FBLN7: variants seen among roughly 807,000 people sequenced by gnomAD.
FBLN7 encodes fibulin-7.
Under a neutral mutation model 44.0 loss-of-function variants are expected in FBLN7, and 31 were observed. That is an observed-to-expected ratio of 0.70 (90% CI 0.53 to 0.95). FBLN7 has a LOEUF of 0.95. Ranked by LOEUF, FBLN7 falls within the 40% of genes least tolerant of loss-of-function variation. FBLN7 has a pLI of 0.00. For synonymous variants in FBLN7, 262 were observed against 253.4 expected, an observed-to-expected ratio of 1.03 and a Z score of -0.32; for missense variants, 573 against 618.5, an observed-to-expected ratio of 0.93 and a Z score of 0.78.
chr2:112,156,385 A>T lies in FBLN7; in HGVS notation c.76-3291A>T, dbSNP rs570070844. On this transcript the variant is annotated intron_variant, in intron 1 of 7. Coordinates refer to ENST00000331203, the MANE Select transcript of FBLN7 (RefSeq NM_153214.3). ...CCATATCTTTCTCTATGAAATGGAG[A>T]CAAGCCCCGTTTCTCCACGGGGTTG... Among the ~76,000 whole-genome samples, 23 of 152,296 alleles carry T rather than the reference A, an allele frequency of 1.5e-4. No homozygotes were observed. The South Asian group carries it at 3.3e-3, about 22-fold the overall frequency.
intron 3 of FBLN7, 86 bp downstream of exon 3, chr2:112,165,257 A>C: frequency 6.8e-7 from 1 of 1,479,530 alleles, no homozygotes; most frequent in Non-Finnish European, 9.1e-7. Context: ...ATTCCTTGGA[A>C]CATTTTCTGC....
chr2:112,159,754 G>C lies in FBLN7; in HGVS notation c.154G>C (p.Ala52Pro), dbSNP rs761948832. The change falls in exon 2 of 8, where the codon GCC becomes CCC. Residue 52 changes from alanine to proline, a missense_variant. Coordinates refer to ENST00000331203, the MANE Select transcript of FBLN7 (RefSeq NM_153214.3). ...GCTGAAGGGCCAGGAGACACGCTTC[G>C]CCGAGGGCATCCGCCACATGAAGAG... The part of the protein sequence containing the change: ...QLLKGQETRF[A>P]EGIRHMKSRL... The C allele has an allele frequency of 2.5e-6, 4 of 1,605,140 alleles. No individual in the cohort carries two copies. In the Admixed American group the frequency reaches 6.8e-5, roughly 27 times the overall value.
Position 112,172,209 on chromosome 2 carries a change from C to T in FBLN7, c.407-3505C>T, listed in dbSNP as rs562861884. 3.7e-4 allele frequency among the ~76,000 whole-genome samples: 57 copies of T among 152,308 alleles called. No individual in the cohort carries two copies. In the South Asian group the frequency reaches 9.7e-3, roughly 26 times the overall value. On this transcript the variant is annotated intron_variant, in intron 3 of 7. Coordinates refer to ENST00000331203, the MANE Select transcript of FBLN7 (RefSeq NM_153214.3). ...TTAGAGTAAAAATTCCCCCAATTGT[C>T]TCACACTTTTTTAACACTTTGTTTG...
the FBLN7 span, among the ~76,000 whole-genome samples, chr2:112,197,664 T>C: frequency 6.6e-6 from 1 of 152,204 alleles, no homozygotes; most frequent in Non-Finnish European, 1.5e-5. Context: ...AGCCACCAAC[T>C]GCCAACCAGT....
At chr2:112,144,074 A>G (rs1277914789) in intron 1 of FBLN7, among the ~76,000 whole-genome samples, 1 of 152,190 alleles carries the variant, frequency 6.6e-6, no homozygotes, top group African/African-American at 2.4e-5. Flanking sequence ...AACAGACATC[A>G]TTCTATTTAT....
At chr2:112,210,129 G>A in the FBLN7 span, among the ~76,000 whole-genome samples, 1 of 151,822 alleles carries the variant, frequency 6.6e-6, no homozygotes, top group African/African-American at 2.4e-5. Context: ...AGGTGTTGGA[G>A]CCCAAGCAGA....
At chr2:112,155,304 G>A (rs944701106) in intron 1 of FBLN7, among the ~76,000 whole-genome samples, 20 of 152,162 alleles carry the variant, frequency 1.3e-4, no homozygotes, top group African/African-American at 4.8e-4. Flanking sequence ...TGATGCCTGT[G>A]CCTATACCAA....
the FBLN7 span, among the ~76,000 whole-genome samples, chr2:112,238,964 C>A: frequency 6.6e-6 from 1 of 152,218 alleles, no homozygotes; most frequent in African/African-American, 2.4e-5. Flanking sequence ...CCCAAGTAAA[C>A]TGTAATGGTC....
chr2:112,181,085 A>G (rs909514406), intron 4 of FBLN7, among the ~76,000 whole-genome samples: 1 of 152,200 alleles, frequency 6.6e-6, no homozygotes, highest in Non-Finnish European at 1.5e-5. Context: ...TAACATAGGA[A>G]CAGAAAACCA....
the FBLN7 span, among the ~76,000 whole-genome samples, chr2:112,239,579 CTT>C: frequency 5.6e-4 from 48 of 86,478 alleles, no homozygotes; most frequent in African/African-American, 2.1e-3. Flanking sequence ...TAACAGTTTA[CTT>C]TTTTTTTTTT....
At chr2:112,233,255 G>A in the FBLN7 span, 2 of 1,523,432 alleles carry the variant, frequency 1.3e-6, no homozygotes, top group Non-Finnish European at 1.8e-6. Flanking sequence ...TGTGATAAAG[G>A]ATATTATGCA....
At chr2:112,138,836 C>CAGGTCAGCGT in intron 1 of FBLN7, 106 bp downstream of exon 1, 3 of 530,346 alleles carry the variant, frequency 5.7e-6, no homozygotes, top group South Asian at 9.0e-5. Context: ...CGCCTCTCTC[C>CAGGTCAGCGT]CCTGTCCCTC....
intron 4 of FBLN7, among the ~76,000 whole-genome samples, chr2:112,179,441 T>C (rs1682877608): frequency 6.6e-6 from 1 of 152,162 alleles, no homozygotes; most frequent in Non-Finnish European, 1.5e-5. Context: ...GATTCAATGC[T>C]ATTCCTATCA....
chr2:112,193,522 A>G, the FBLN7 span, among the ~76,000 whole-genome samples: 3 of 152,376 alleles, frequency 2.0e-5, no homozygotes, highest in East Asian at 3.9e-4. Flanking sequence ...TAGATTATTT[A>G]TAATATCTGA....
Position 112,181,833 on chromosome 2 carries a change from C to T in FBLN7, c.627C>T (p.Ala209=), listed in dbSNP as rs550343439. Residue 209 remains alanine (A), a synonymous_variant, in exon 5 of 8, where the codon GCC becomes GCT. Transcript: ENST00000331203. ...VERAQHCSCE[A]GFHLSGAAGD... Reference sequence around the variant, plus strand: ...GGGCTCAGCACTGCAGCTGCGAGGCCGGATTCCACCTGAGCGGCGCCGCCG... The same window carrying T: ...GGGCTCAGCACTGCAGCTGCGAGGCTGGATTCCACCTGAGCGGCGCCGCCG... 9.9e-6 allele frequency: 15 copies of T among 1,522,516 alleles called. No individual in the cohort carries two copies. In the South Asian group the frequency reaches 1.7e-4, roughly 17 times the overall value. 94.3% of individuals were successfully genotyped at this position (1,522,516 alleles called of 1,614,324 possible). A position where few individuals can be genotyped will look rare whatever the true frequency, so the allele number is the denominator to read the frequency against.
the FBLN7 span, chr2:112,230,855 G>C: frequency 8.2e-7 from 1 of 1,220,254 alleles, no homozygotes; most frequent in Non-Finnish European, 1.1e-6. Context: ...CCAACTTCTG[G>C]AGATGTTCAG....
the FBLN7 span, among the ~76,000 whole-genome samples, chr2:112,221,313 T>C: frequency 0.68 from 102,962 of 151,856 alleles, 35,210 homozygotes; most frequent in Middle Eastern, 0.77. Flanking sequence ...TGAATGCTCA[T>C]AAGATATGGT....
chr2:112,193,593 C>G, the FBLN7 span, among the ~76,000 whole-genome samples: 2 of 152,234 alleles, frequency 1.3e-5, no homozygotes, highest in Non-Finnish European at 2.9e-5. Flanking sequence ...TATTTTTATT[C>G]CTTTTTTCTG....
At chr2:112,160,270 G>C (rs1002150257) in intron 2 of FBLN7, among the ~76,000 whole-genome samples, 1 of 152,160 alleles carries the variant, frequency 6.6e-6, no homozygotes. Context: ...GATGACAGGC[G>C]TGGGCCACCG....
Sources: gnomAD v4.1 joint callset for allele counts (sites outside exome capture counted in the v4.1 genomes callset) on GRCh38, gnomAD v4.1.1 for gene constraint, MANE v1.5 for transcripts, NCBI Gene and HGNC (gene_info 2026-07-23, HGNC 2026-07-21) for gene names.